PRKN: variants seen among roughly 807,000 people sequenced by gnomAD.
PRKN encodes the protein E3 ubiquitin-protein ligase parkin.
PRKN carries 56 observed loss-of-function variants against 59.5 expected under a neutral mutation model. The observed-to-expected ratio is 0.94, with a 90% CI of 0.76 to 1.18. The LOEUF (loss-of-function observed/expected upper bound fraction) is 1.18, where lower values mean the gene tolerates loss of function less well. Among genes scored for constraint, PRKN ranks in the 50% most tolerant of loss-of-function variants. PRKN has a pLI of 0.00. For synonymous variants in PRKN, 250 were observed against 222.1 expected (o/e 1.13, Z -1.12); for missense variants, 657 against 596.4 (o/e 1.10, Z -1.06).
intron 1 of PRKN, among the ~76,000 whole-genome samples, chr6:162,644,647 T>G (rs538165185): frequency 1.3e-5 from 2 of 152,304 alleles, no homozygotes; most frequent in South Asian, 4.1e-4. Flanking sequence ...GCCCTAATTA[T>G]AGAGCCCCAA....
At chr6:161,916,884 C>T (rs1408337676) in intron 6 of PRKN, among the ~76,000 whole-genome samples, 2 of 152,158 alleles carry the variant, frequency 1.3e-5, no homozygotes, top group Admixed American at 6.5e-5. Context: ...CTGCAAGCTC[C>T]GCCTCCCGGG....
intron 6 of PRKN, among the ~76,000 whole-genome samples, chr6:161,909,611 T>A (rs1294304769): frequency 6.6e-6 from 1 of 152,178 alleles, no homozygotes; most frequent in African/African-American, 2.4e-5. Flanking sequence ...CAGGTGGCAC[T>A]GACGCAGCCT....
chr6:162,363,132 A>G (rs1439486601), intron 2 of PRKN, among the ~76,000 whole-genome samples: 1 of 16,354 alleles, frequency 6.1e-5, no homozygotes, highest in African/African-American at 4.2e-4. Flanking sequence ...CTTCTCAAAC[A>G]AAAAAAAAAA....
intron 6 of PRKN, among the ~76,000 whole-genome samples, chr6:161,946,414 A>ACACACACACACACACACTCTCTCT (rs1247187053): frequency 2.1e-4 from 24 of 114,368 alleles, no homozygotes; most frequent in South Asian, 7.1e-4. Context: ...ACACACACAC[A>ACACACACACACACACACTCTCTCT]CTCTCTCTCT....
rs1790929585 is a variant in PRKN, at chr6:161,473,967, CT to C, written c.1083+74886del. On this transcript the variant is annotated intron_variant, in intron 9 of 11. Transcript: ENST00000366898. This position sits in a 1 kb window ranked among gnomAD's most constrained non-coding sequence, Gnocchi z 4.1. The stretch of plus-strand genomic sequence containing the variant: ...GGGTTTTCTAATATCAAATTTTATG[CT>C]TGTGGAAATCTATCCACCCAAGCTT... 1.3e-5 allele frequency among the ~76,000 whole-genome samples: 2 copies of C among 152,090 alleles called. 1 individual carries two copies. The highest frequency in any genetic ancestry group is 4.8e-5 in the African/African-American group (2 of 41,410).
At position 161,643,159 on chromosome 6, in the gene PRKN, G is replaced by GT. The variant is rs548874880; in HGVS notation, c.872-73744dup. Among the ~76,000 whole-genome samples the GT allele has an allele frequency of 9.2e-4, 140 of 152,198 alleles. 1 individual carries two copies. The highest frequency in any genetic ancestry group is 6.8e-3 in the Middle Eastern group (2 of 294). ...AAATCTTTGCAAATCACTCAACTTA[G>GT]TTTTTTGTAGAAACACTTCTTTTTT... On this transcript the variant is annotated intron_variant, in intron 7 of 11. Coordinates refer to ENST00000366898, the MANE Select transcript of PRKN (RefSeq NM_004562.3).
At chr6:162,057,650 C>A (rs547471515) in intron 4 of PRKN, among the ~76,000 whole-genome samples, 1 of 152,284 alleles carries the variant, frequency 6.6e-6, no homozygotes, top group South Asian at 2.1e-4. Flanking sequence ...CACTTTTTAA[C>A]GTGAGGACCT....
intron 3 of PRKN, among the ~76,000 whole-genome samples, chr6:162,256,346 C>T (rs1408461026): frequency 2.6e-5 from 4 of 151,958 alleles, no homozygotes; most frequent in African/African-American, 7.2e-5. Context: ...AAAATAACAC[C>T]TTCTATAAAA....
intron 9 of PRKN, among the ~76,000 whole-genome samples, chr6:161,508,480 T>C (rs899978480): frequency 1.3e-5 from 2 of 152,236 alleles, no homozygotes; most frequent in African/African-American, 4.8e-5. Context: ...TCAGTCCTTA[T>C]GGCTCCATTA....
In PRKN at chr6:161,362,173, G is replaced by T. The variant is rs1176665855; in HGVS notation, c.1168-1968C>A. 6.6e-6 allele frequency among the ~76,000 whole-genome samples: 1 copy of T among 152,158 alleles called. No individual in the cohort carries two copies. Among genetic ancestry groups the T allele is most frequent in the Non-Finnish European group, 1.5e-5 (1 of 68,018 alleles). The stretch of plus-strand genomic sequence containing the variant: ...CCATTTTTTAGCAACATGGCATACT[G>T]CATGTGAAGGGCAATTTCTCCCAGG... On this transcript the variant is annotated intron_variant, in intron 10 of 11. Transcript: ENST00000366898. This position sits in a 1 kb window ranked among gnomAD's most constrained non-coding sequence, Gnocchi z 5.2.
intron 6 of PRKN, among the ~76,000 whole-genome samples, chr6:161,788,715 C>T (rs1009770666): frequency 1.3e-5 from 2 of 152,156 alleles, no homozygotes; most frequent in East Asian, 1.9e-4. Flanking sequence ...ACTGCCCAGA[C>T]GCAGGTGTGG....
chr6:162,325,679 T>C (rs796493004), intron 2 of PRKN, among the ~76,000 whole-genome samples: 25 of 152,152 alleles, frequency 1.6e-4, no homozygotes, highest in African/African-American at 5.1e-4. Flanking sequence ...TTACACAACA[T>C]ACATGTTAGT....
chr6:161,961,856 T>G (rs1030663177), intron 6 of PRKN, among the ~76,000 whole-genome samples: 10 of 152,204 alleles, frequency 6.6e-5, no homozygotes, highest in African/African-American at 2.4e-4. Flanking sequence ...TGAGACTGCG[T>G]TGCCTGTGAT....
chr6:161,453,196 G>C (rs1789819354), intron 9 of PRKN, among the ~76,000 whole-genome samples: 3 of 152,162 alleles, frequency 2.0e-5, no homozygotes, highest in South Asian at 4.1e-4. Context: ...TTGAACCAGT[G>C]AACAGTACTG....
intron 5 of PRKN, among the ~76,000 whole-genome samples, chr6:162,050,106 T>A (rs1403347637): frequency 6.6e-6 from 1 of 152,210 alleles, no homozygotes; most frequent in Admixed American, 6.5e-5. Context: ...TTTCCTGGGA[T>A]GCTGAACATA....
At chr6:161,617,167 G>A (rs879107637) in intron 7 of PRKN, among the ~76,000 whole-genome samples, 1 of 152,184 alleles carries the variant, frequency 6.6e-6, no homozygotes, top group African/African-American at 2.4e-5. Context: ...CAGTGATGAT[G>A]AGCTTTTTTT....
chr6:161,837,487 A>G (rs1421148441), intron 6 of PRKN, among the ~76,000 whole-genome samples: 1 of 151,952 alleles, frequency 6.6e-6, no homozygotes, highest in Non-Finnish European at 1.5e-5. Flanking sequence ...AGTCCTGTGA[A>G]CCTCATTCAC....
rs1305776732 is a variant in PRKN, at chr6:161,527,614, TG to T, written c.1083+21239del. 6.6e-6 allele frequency among the ~76,000 whole-genome samples: 1 copy of T among 152,118 alleles called. No homozygotes were observed. Among genetic ancestry groups the T allele is most frequent in the Non-Finnish European group, 1.5e-5 (1 of 68,014 alleles). On this transcript the variant is annotated intron_variant, in intron 9 of 11. Transcript: ENST00000366898. This position sits in a 1 kb window ranked among gnomAD's most constrained non-coding sequence, Gnocchi z 4.6. ...GTAGCACCTTGTAAAATCTAAAAGG[TG>T]GGGAGGCAAAGAGGACACGCACTGC...
At chr6:162,176,029 T>G (rs1257419577) in intron 4 of PRKN, among the ~76,000 whole-genome samples, 2 of 152,226 alleles carry the variant, frequency 1.3e-5, no homozygotes, top group Non-Finnish European at 2.9e-5. Flanking sequence ...GAAAAGATCC[T>G]CTGGCAATAT....
Sources: allele counts gnomAD v4.1 joint callset (sites outside exome capture counted in the v4.1 genomes callset), GRCh38; gene constraint gnomAD v4.1.1; non-coding constraint Gnocchi (gnomAD v3.1); transcripts MANE v1.5; gene names NCBI Gene and HGNC (gene_info 2026-07-23, HGNC 2026-07-21).